CAPRIN1: variants seen among roughly 807,000 people sequenced by gnomAD.
CAPRIN1 encodes the protein caprin-1.
CAPRIN1 carries 29 observed loss-of-function variants against 100.9 expected under a neutral mutation model. The observed-to-expected ratio is 0.29, with a 90% confidence interval of 0.21 to 0.39. The LOEUF (loss-of-function observed/expected upper bound fraction) is 0.39. CAPRIN1 is among the 10% of genes least tolerant of loss of function. The pLI is 1.00. For synonymous variants in CAPRIN1, 338 were observed against 307.5 expected (o/e 1.10, Z -1.04); for missense variants, 795 against 876.7 (o/e 0.91, Z 1.18).
chr11:34,082,221 C>T (rs536895433), intron 7 of CAPRIN1, among the ~76,000 whole-genome samples: 1 of 152,160 alleles, frequency 6.6e-6, no homozygotes, highest in East Asian at 1.9e-4. Flanking sequence ...GAGTTTTGCT[C>T]TTGTTTCCCA....
chr11:34,093,195 TA>T (rs1565097633), intron 15 of CAPRIN1, among the ~76,000 whole-genome samples: 3 of 28,260 alleles, frequency 1.1e-4, no homozygotes, highest in Non-Finnish European at 1.7e-4. Context: ...GATTTTTTTT[TA>T]TATATATATT....
At chr11:34,081,308 A>T (rs1053208152) in intron 7 of CAPRIN1, among the ~76,000 whole-genome samples, 2 of 149,358 alleles carry the variant, frequency 1.3e-5, no homozygotes, top group Non-Finnish European at 3.0e-5. Flanking sequence ...TCAAGCGATT[A>T]TCCTGTCTCA....
chr11:34,061,886 G>A (rs1850586542), intron 2 of CAPRIN1, among the ~76,000 whole-genome samples: 2 of 148,584 alleles, frequency 1.3e-5, no homozygotes, highest in Non-Finnish European at 3.0e-5. Context: ...CAGGAGAATC[G>A]CTGGAACCTG....
intron 4 of CAPRIN1, among the ~76,000 whole-genome samples, chr11:34,075,345 C>T (rs7944654): frequency 0.85 from 129,122 of 152,116 alleles, 55,624 homozygotes; most frequent in East Asian, 1. Context: ...AAAGCACTAC[C>T]ATGGCTTTTG....
intron 7 of CAPRIN1, among the ~76,000 whole-genome samples, chr11:34,080,516 C>G (rs1851007074): frequency 6.6e-6 from 1 of 152,158 alleles, no homozygotes; most frequent in African/African-American, 2.4e-5. Flanking sequence ...GCTCCATAAT[C>G]TTGAACTATA....
intron 15 of CAPRIN1, among the ~76,000 whole-genome samples, chr11:34,095,135 A>G (rs1473291543): frequency 6.6e-6 from 1 of 152,106 alleles, no homozygotes; most frequent in Non-Finnish European, 1.5e-5. Flanking sequence ...AGCTCAAGTA[A>G]TCTGCTCAGC....
At chr11:34,060,930 T>C (rs1850564926) in intron 2 of CAPRIN1, among the ~76,000 whole-genome samples, 1 of 152,212 alleles carries the variant, frequency 6.6e-6, no homozygotes, top group Non-Finnish European at 1.5e-5. Flanking sequence ...GTAATTTGCT[T>C]TTCAAATCTA....
chr11:34,056,843 G>A (rs879316669), intron 2 of CAPRIN1, among the ~76,000 whole-genome samples: 15 of 152,176 alleles, frequency 9.9e-5, no homozygotes, highest in Non-Finnish European at 1.3e-4. Context: ...GATCACTTGC[G>A]TAAAATGCAA....
At chr11:34,056,728 T>C (rs1255607058) in intron 2 of CAPRIN1, among the ~76,000 whole-genome samples, 4 of 152,220 alleles carry the variant, frequency 2.6e-5, no homozygotes, top group East Asian at 3.8e-4. Context: ...AGTTGTGATA[T>C]AGAATAAAGG....
At chr11:34,091,851 G>A in intron 14 of CAPRIN1, 55 bp from the exon 15 acceptor site, 1 of 1,525,504 alleles carries the variant, frequency 6.6e-7, no homozygotes, top group Non-Finnish European at 8.9e-7. Context: ...GTTTGGCCAT[G>A]TTATAAACCA....
rs142923871 is a variant in CAPRIN1 at position 34,097,284 on chromosome 11, T to C, written c.1989T>C (p.Ser663=). ...QSQFSAPRDY[S]GYQRDGYQQN... ...AGTTCAGTGCTCCCCGGGATTACTC[T>C]GGCTATCAACGGGTAGGTAAAGTAG... Residue 663 remains serine (S), a synonymous_variant, in exon 17 of 19, where the codon TCT becomes TCC. Transcript: ENST00000341394. 3.2e-5 allele frequency: 51 copies of C among 1,610,816 alleles called. No individual in the cohort carries two copies. Among genetic ancestry groups the C allele is most frequent in the Non-Finnish European group, 4.2e-5 (49 of 1,177,038 alleles).
chr11:34,087,413 A>G (rs1055945282), intron 11 of CAPRIN1, among the ~76,000 whole-genome samples: 1 of 111,852 alleles, frequency 8.9e-6, no homozygotes, highest in Non-Finnish European at 1.8e-5. Flanking sequence ...GGCTCACTGC[A>G]AGCTCCGCCT....
At chr11:34,083,475 G>A (rs1337912844) in intron 9 of CAPRIN1, among the ~76,000 whole-genome samples, 1 of 151,824 alleles carries the variant, frequency 6.6e-6, no homozygotes, top group Admixed American at 6.6e-5. Flanking sequence ...GATTTTTTTC[G>A]GGTCCTCATG....
At chr11:34,096,441 C>A (rs1158449819) in intron 15 of CAPRIN1, 38 bp from the exon 16 acceptor site, 32 of 1,477,052 alleles carry the variant, frequency 2.2e-5, no homozygotes, top group Non-Finnish European at 3.0e-5. Context: ...CGGTAATGAG[C>A]TGTTTATGTA....
chr11:34,066,788 G>A (rs1188719489), intron 2 of CAPRIN1, among the ~76,000 whole-genome samples: 2 of 148,540 alleles, frequency 1.3e-5, no homozygotes, highest in East Asian at 4.0e-4. Context: ...ACCATGCCTG[G>A]CTAATTTTTG....
At chr11:34,085,297 A>G (rs1007014218) in intron 9 of CAPRIN1, among the ~76,000 whole-genome samples, 3 of 152,120 alleles carry the variant, frequency 2.0e-5, no homozygotes, top group Non-Finnish European at 2.9e-5. Context: ...GCTTGATCCT[A>G]TGGTGTTGGC....
chr11:34,092,111 CAG>C, intron 15 of CAPRIN1, 55 bp downstream of exon 15: 1 of 1,577,678 alleles, frequency 6.3e-7, no homozygotes, highest in Non-Finnish European at 8.7e-7. Context: ...CAGTTATTGA[CAG>C]TGTTAGGACA....
Position 34,099,462 on chromosome 11 carries a change from T to G in CAPRIN1, c.*95T>G. Reference sequence around the variant, plus strand: ...GAGTTATTATCTATTTGTTCTCCCTTTCAGGAAACTTATTGTAAAGGGACT... The same window carrying G: ...GAGTTATTATCTATTTGTTCTCCCTGTCAGGAAACTTATTGTAAAGGGACT... On this transcript the variant is annotated 3_prime_UTR_variant, in exon 19 of 19. Coordinates refer to ENST00000341394, the MANE Select transcript of CAPRIN1 (RefSeq NM_005898.5). The G allele has an allele frequency of 9.6e-7, 1 of 1,038,960 alleles. No individual in the cohort carries two copies. The highest frequency in any genetic ancestry group is 1.5e-6 in the Non-Finnish European group (1 of 673,622). 64.4% of individuals were successfully genotyped at this position (1,038,960 alleles called of 1,614,324 possible).
At chr11:34,081,595 G>A (rs746016549) in intron 7 of CAPRIN1, among the ~76,000 whole-genome samples, 5 of 151,980 alleles carry the variant, frequency 3.3e-5, no homozygotes, top group Non-Finnish European at 7.4e-5. Flanking sequence ...CAAGGGTCAA[G>A]CAATTCTCCT....
Sources: allele counts gnomAD v4.1 joint callset (sites outside exome capture counted in the v4.1 genomes callset), GRCh38; gene constraint gnomAD v4.1.1; transcripts MANE v1.5; gene names NCBI Gene and HGNC (gene_info 2026-07-23, HGNC 2026-07-21).